Variants in SGCZ observed in about 807,000 individuals in gnomAD.
The protein encoded by SGCZ is sarcoglycan zeta.
In SGCZ, 40 loss-of-function variants were observed where a neutral mutation model predicts 41.3. That is an observed-to-expected ratio of 0.97 (90% CI 0.75 to 1.26). The LOEUF (loss-of-function observed/expected upper bound fraction) is 1.26. Ranked by LOEUF, SGCZ falls within the 50% of genes most tolerant of loss-of-function variation. The pLI is 0.00. For missense variants in SGCZ, 552 were observed against 369.8 expected, an observed-to-expected ratio of 1.49 and a Z score of -4.04; for synonymous variants, 206 against 137.5, an observed-to-expected ratio of 1.50 and a Z score of -3.49.
chr8:14,901,740 T>G (rs1469258714), intron 1 of SGCZ, among the ~76,000 whole-genome samples: 1 of 152,156 alleles, frequency 6.6e-6, no homozygotes, highest in Non-Finnish European at 1.5e-5. Context: ...GCAACGTACA[T>G]GACAATGTAT....
At chr8:14,211,918 C>T (rs905634242) in intron 4 of SGCZ, among the ~76,000 whole-genome samples, 1 of 152,098 alleles carries the variant, frequency 6.6e-6, no homozygotes, top group Non-Finnish European at 1.5e-5. Flanking sequence ...CTCTGCCACC[C>T]AATGAGCCAC....
intron 1 of SGCZ, among the ~76,000 whole-genome samples, chr8:14,766,727 A>ATTTTTTTTT (rs33955290): frequency 4.0e-3 from 366 of 92,630 alleles, no homozygotes; most frequent in Middle Eastern, 8.2e-3. Flanking sequence ...ATGTCCAGCT[A>ATTTTTTTTT]TTTTTTTTTT....
At chr8:14,109,073 G>C (rs1357762229) in intron 5 of SGCZ, among the ~76,000 whole-genome samples, 2 of 152,106 alleles carry the variant, frequency 1.3e-5, no homozygotes, top group Non-Finnish European at 2.9e-5. Flanking sequence ...TCCCACCTTT[G>C]ATTACAGTAA....
At chr8:14,874,963 C>T (rs934454641) in intron 1 of SGCZ, among the ~76,000 whole-genome samples, 1 of 152,140 alleles carries the variant, frequency 6.6e-6, no homozygotes, top group African/African-American at 2.4e-5. Flanking sequence ...CTGACCTAAT[C>T]AGGTGCATCA....
At chr8:14,565,060 G>C (rs998487332) in intron 1 of SGCZ, among the ~76,000 whole-genome samples, 12 of 152,050 alleles carry the variant, frequency 7.9e-5, no homozygotes, top group African/African-American at 2.9e-4. Flanking sequence ...AAAGATATCT[G>C]AGTCAAATGT....
intron 1 of SGCZ, among the ~76,000 whole-genome samples, chr8:15,201,320 A>G (rs1473217468): frequency 6.6e-6 from 1 of 152,090 alleles, no homozygotes; most frequent in East Asian, 1.9e-4. Flanking sequence ...CCAGGCCTAG[A>G]TCCATTTCAA....
chr8:15,094,222 C>T (rs752284816), intron 1 of SGCZ, among the ~76,000 whole-genome samples: 1 of 151,972 alleles, frequency 6.6e-6, no homozygotes, highest in Non-Finnish European at 1.5e-5. Flanking sequence ...GCTAACTCTA[C>T]CTCCCAGGTT....
At chr8:14,366,866 G>C (rs1006199579) in intron 2 of SGCZ, among the ~76,000 whole-genome samples, 2 of 152,110 alleles carry the variant, frequency 1.3e-5, no homozygotes, top group Non-Finnish European at 2.9e-5. Flanking sequence ...CTAGGCCTCT[G>C]GGCCTGTGAT....
At chr8:14,787,083 T>A (rs949481363) in intron 1 of SGCZ, among the ~76,000 whole-genome samples, 5 of 152,128 alleles carry the variant, frequency 3.3e-5, no homozygotes, top group African/African-American at 1.2e-4. Flanking sequence ...AATAGATGGT[T>A]CATTAACAGC....
At chr8:14,459,591 T>A (rs557631769) in intron 2 of SGCZ, among the ~76,000 whole-genome samples, 2 of 152,120 alleles carry the variant, frequency 1.3e-5, no homozygotes. Context: ...TCTGAAAGTA[T>A]CTATCTCAAG....
chr8:14,662,461 G>A (rs1332451908), intron 1 of SGCZ, among the ~76,000 whole-genome samples: 1 of 152,134 alleles, frequency 6.6e-6, no homozygotes, highest in African/African-American at 2.4e-5. Context: ...TTCCCCATTT[G>A]TGTTACTCAG....
intron 1 of SGCZ, among the ~76,000 whole-genome samples, chr8:14,826,130 G>A (rs996850222): frequency 3.9e-5 from 5 of 128,796 alleles, no homozygotes; most frequent in African/African-American, 1.5e-4. Flanking sequence ...TCCCCTTCCT[G>A]TGTCCATGCC....
At chr8:14,879,573 G>C (rs986195375) in intron 1 of SGCZ, among the ~76,000 whole-genome samples, 32 of 140,986 alleles carry the variant, frequency 2.3e-4, no homozygotes, top group African/African-American at 7.8e-4. Context: ...AATGAGGGGA[G>C]ATACACACAC....
chr8:14,377,256 A>G (rs555330698), intron 2 of SGCZ, among the ~76,000 whole-genome samples: 2 of 152,236 alleles, frequency 1.3e-5, no homozygotes. Context: ...TAAAAACCCT[A>G]CACAGTGGGG....
intron 1 of SGCZ, among the ~76,000 whole-genome samples, chr8:14,727,064 G>A (rs746119797): frequency 1.3e-5 from 2 of 151,456 alleles, no homozygotes; most frequent in East Asian, 1.9e-4. Flanking sequence ...AAGCTTATCC[G>A]GCAAAAGACA....
chr8:14,597,838 A>C (rs183622637), intron 1 of SGCZ, among the ~76,000 whole-genome samples: 3 of 152,180 alleles, frequency 2.0e-5, no homozygotes, highest in Admixed American at 2.0e-4. Context: ...ACCACAATGT[A>C]TAACAGTAGA....
At chr8:14,272,092 C>G (rs1429831827) in intron 3 of SGCZ, among the ~76,000 whole-genome samples, 2 of 152,140 alleles carry the variant, frequency 1.3e-5, no homozygotes, top group Non-Finnish European at 2.9e-5. Flanking sequence ...CAAACTCTGC[C>G]TCCCAGGTTC....
At chr8:14,344,241 T>A (rs1024053353) in intron 2 of SGCZ, among the ~76,000 whole-genome samples, 13 of 151,972 alleles carry the variant, frequency 8.6e-5, no homozygotes, top group African/African-American at 2.2e-4. Flanking sequence ...AAGGAAAATA[T>A]CTAAGCTATT....
At chr8:14,396,915 G>C (rs913737562) in intron 2 of SGCZ, among the ~76,000 whole-genome samples, 1 of 151,964 alleles carries the variant, frequency 6.6e-6, no homozygotes, top group Non-Finnish European at 1.5e-5. Flanking sequence ...AGGGAGCTTA[G>C]GTTTTAACCA....
Sources: gnomAD v4.1 joint callset for allele counts (sites outside exome capture counted in the v4.1 genomes callset) on GRCh38, gnomAD v4.1.1 for gene constraint, MANE v1.5 for transcripts, NCBI Gene and HGNC (gene_info 2026-07-23, HGNC 2026-07-21) for gene names.